FGFR1: variants seen among roughly 807,000 people sequenced by gnomAD.
The protein encoded by FGFR1 is fibroblast growth factor receptor 1.
Under a neutral mutation model 93.7 loss-of-function variants are expected in FGFR1, and 18 were observed. That is an observed-to-expected ratio of 0.19 (90% confidence interval 0.13 to 0.28). The LOEUF (loss-of-function observed/expected upper bound fraction) is 0.28, where lower values mean the gene tolerates loss of function less well. Ranked by LOEUF, FGFR1 falls within the 10% of genes least tolerant of loss-of-function variation. The pLI, the probability that FGFR1 is intolerant of heterozygous loss-of-function variation, is 1.00. For synonymous variants in FGFR1, 448 were observed against 429.3 expected, an observed-to-expected ratio of 1.04 and a Z score of -0.54; for missense variants, 731 against 1,080.4, an observed-to-expected ratio of 0.68 and a Z score of 4.53.
At chr8:38,443,930 G>A (rs1344436138) in intron 2 of FGFR1, among the ~76,000 whole-genome samples, 2 of 151,352 alleles carry the variant, frequency 1.3e-5, no homozygotes, top group Non-Finnish European at 2.9e-5. Context: ...GCGAATGCCT[G>A]TAATCCCACC....
rs2150652021 is a variant in FGFR1 at position 38,417,916 on chromosome 8, C to A, written c.1506G>T (p.Lys502Asn). 1 of 1,614,202 alleles carries A rather than the reference C, an allele frequency of 6.2e-7. No homozygotes were observed. The highest frequency in any genetic ancestry group is 1.1e-5 in the South Asian group (1 of 91,084). ...CTTTGGTCACACGGTTGGGTTTGTCCTTGTCCAGCCCGATAGCCTCTGCCA... is the reference window on the plus strand; with the variant it reads ...CTTTGGTCACACGGTTGGGTTTGTCATTGTCCAGCCCGATAGCCTCTGCCA... Reference protein sequence around the residue: ...VVLAEAIGLDKDKPNRVTKVA... With the variant: ...VVLAEAIGLDNDKPNRVTKVA... The change falls in exon 11 of 18, where the codon AAG (lysine) becomes AAT (asparagine). Residue 502 changes from lysine to asparagine, a missense_variant. This residue lies in a region of FGFR1 where 62 missense variants were observed against 99.5 expected (regional missense o/e 0.62). Transcript: ENST00000447712.
rs536000259 is a variant in FGFR1 at position 38,411,646 on chromosome 8, T to G, written c.*1982A>C. ...TGTATTTAGCAGTAATCCAGCAAAA[T>G]ATAAGCTTTAATATAGCGACTGAGG... On this transcript the variant is annotated 3_prime_UTR_variant, in exon 18 of 18. Transcript: ENST00000447712. 4.4e-5 allele frequency: 10 copies of G among 229,702 alleles called. No individual in the cohort carries two copies. In the South Asian group the frequency reaches 1.8e-3, roughly 42 times the overall value. The allele number at this position is 229,702 out of a possible 1,614,324, so 14.2% of individuals were successfully genotyped here.
At position 38,428,331 on chromosome 8, in the gene FGFR1, G is replaced by GA; in HGVS notation, c.448+14dup. The GA allele has an allele frequency of 6.2e-7, 1 of 1,612,498 alleles. No homozygotes were observed. The highest frequency in any genetic ancestry group is 8.5e-7 in the Non-Finnish European group (1 of 1,178,520). Reference sequence around the variant, plus strand: ...CCAGACCCAAAGGGCAGTAAGATAGGAAACAGTGTCTCACGCATACGGTTT... The same window carrying GA: ...CCAGACCCAAAGGGCAGTAAGATAGGAAAACAGTGTCTCACGCATACGGTTT... On this transcript the variant is annotated intron_variant, in intron 4 of 17. Coordinates refer to ENST00000447712, the MANE Select transcript of FGFR1 (RefSeq NM_023110.3).
At chr8:38,441,958 G>A (rs1186147554) in intron 2 of FGFR1, among the ~76,000 whole-genome samples, 1 of 152,160 alleles carries the variant, frequency 6.6e-6, no homozygotes, top group Non-Finnish European at 1.5e-5. Flanking sequence ...TGCAAAGGCT[G>A]TGCTGTTGCA....
intron 9 of FGFR1, chr8:38,418,757 G>C (rs1458764520): frequency 1.5e-5 from 5 of 324,176 alleles, no homozygotes; most frequent in Non-Finnish European, 3.0e-5. Context: ...GCTTCTGAGG[G>C]AACGGTCATT....
intron 1 of FGFR1, among the ~76,000 whole-genome samples, chr8:38,463,817 A>G (rs1376931199): frequency 6.6e-6 from 1 of 152,160 alleles, no homozygotes; most frequent in East Asian, 1.9e-4. Flanking sequence ...TCAGATGAGA[A>G]TAAGACTTAT....
chr8:38,426,272 T>A lies in FGFR1; in HGVS notation c.622-27A>T, dbSNP rs769257767. 1 of 1,613,616 alleles carries A rather than the reference T, an allele frequency of 6.2e-7. No individual in the cohort carries two copies. Among genetic ancestry groups the A allele is most frequent in the Admixed American group, 1.7e-5 (1 of 60,020 alleles). On this transcript the variant is annotated intron_variant, in intron 5 of 17. Transcript: ENST00000447712. This position sits in a 1 kb window ranked among gnomAD's most constrained non-coding sequence, Gnocchi z 4.1. ...TGAGGGGAAATGCCAAAGGGATACATTGAGGGTCCAGAGGAAAATGCAGGC... is the reference window on the plus strand; with the variant it reads ...TGAGGGGAAATGCCAAAGGGATACAATGAGGGTCCAGAGGAAAATGCAGGC...
chr8:38,428,345 C>A lies in FGFR1; in HGVS notation c.448+1G>T, dbSNP rs376416531. 6.2e-7 allele frequency: 1 copy of A among 1,613,348 alleles called. No individual in the cohort carries two copies. Among genetic ancestry groups the A allele is most frequent in the African/African-American group, 1.3e-5 (1 of 74,916 alleles). On this transcript the variant is annotated splice_donor_variant, in intron 4 of 17. Coordinates refer to ENST00000447712, the MANE Select transcript of FGFR1 (RefSeq NM_023110.3). LOFTEE classifies it high-confidence loss of function. The stretch of plus-strand genomic sequence containing the variant: ...CAGTAAGATAGGAAACAGTGTCTCA[C>A]GCATACGGTTTGGTTTGGTGTTATC...
rs530728831 is a variant in FGFR1, at chr8:38,418,050, G to A, written c.1431-59C>T. ...GGCTGGTGAAGTTCAAACCTTGAGAGGCACCCCATCTCCACCTCTCTGTAT... is the reference window on the plus strand; with the variant it reads ...GGCTGGTGAAGTTCAAACCTTGAGAAGCACCCCATCTCCACCTCTCTGTAT... On this transcript the variant is annotated intron_variant, in intron 10 of 17. Transcript: ENST00000447712. The A allele has an allele frequency of 2.5e-5, 40 of 1,612,696 alleles. 2 individuals carry two copies. The African/African-American group carries it at 2.5e-4, about 10-fold the overall frequency.
At chr8:38,448,961 GC>G (rs1830243324) in intron 2 of FGFR1, among the ~76,000 whole-genome samples, 1 of 152,038 alleles carries the variant, frequency 6.6e-6, no homozygotes, top group Non-Finnish European at 1.5e-5. Flanking sequence ...TCTCAAAAGG[GC>G]ATGGTGGCTC....
At chr8:38,432,790 A>G (rs1218703468) in intron 2 of FGFR1, among the ~76,000 whole-genome samples, 1 of 151,766 alleles carries the variant, frequency 6.6e-6, no homozygotes, top group Non-Finnish European at 1.5e-5. Flanking sequence ...ATCAAAATCT[A>G]CCCTGTGTAC....
chr8:38,448,740 A>G (rs907001341), intron 2 of FGFR1, among the ~76,000 whole-genome samples: 4 of 152,114 alleles, frequency 2.6e-5, no homozygotes, highest in African/African-American at 9.7e-5. Flanking sequence ...GGATCACTTG[A>G]AGTCAGGAGC....
chr8:38,467,929 GC>G (rs1420521251), intron 1 of FGFR1, 51 bp downstream of exon 1: 1 of 216,912 alleles, frequency 4.6e-6, no homozygotes, highest in Non-Finnish European at 9.3e-6. Flanking sequence ...GGCGCCGGGG[GC>G]CGCTCGGGAC....
At chr8:38,466,144 C>T in intron 1 of FGFR1, 1 of 232,188 alleles carries the variant, frequency 4.3e-6, no homozygotes, top group Non-Finnish European at 8.5e-6. Flanking sequence ...CGGTAAAACA[C>T]CCCACTTTAG....
chr8:38,462,777 T>A (rs1834698882), intron 1 of FGFR1, among the ~76,000 whole-genome samples: 1 of 152,022 alleles, frequency 6.6e-6, no homozygotes, highest in South Asian at 2.1e-4. Context: ...CTAATTTTTT[T>A]ATTTTTAGTA....
intron 7 of FGFR1, chr8:38,423,291 A>G: frequency 3.6e-6 from 2 of 548,212 alleles, no homozygotes; most frequent in Non-Finnish European, 6.6e-6. Flanking sequence ...GTTAAGTGAG[A>G]TTTATTACCT....
In FGFR1 at chr8:38,468,124, T is replaced by C. The variant is rs1222836040; in HGVS notation, c.-232A>G. On this transcript the variant is annotated 5_prime_UTR_variant, in exon 1 of 18. Coordinates refer to ENST00000447712, the MANE Select transcript of FGFR1 (RefSeq NM_023110.3). ...GTCGCAAGAGCTCCGCGGCCGGCGC[T>C]CGACTCCCGGCGGCGCTCGGTGCTC... The C allele has an allele frequency of 1.8e-5, 4 of 225,716 alleles. No individual in the cohort carries two copies. The highest frequency in any genetic ancestry group is 3.5e-5 in the Non-Finnish European group (4 of 113,426). The allele number at this position is 225,716 out of a possible 1,614,324, so 14.0% of individuals were successfully genotyped here.
At chr8:38,462,541 C>G (rs1834638573) in intron 1 of FGFR1, among the ~76,000 whole-genome samples, 1 of 152,072 alleles carries the variant, frequency 6.6e-6, no homozygotes. Context: ...TTTCTTTTAA[C>G]TTAATTTCCA....
In FGFR1 at chr8:38,464,907, C is replaced by A. The variant is rs111303807; in HGVS notation, c.-89+3074G>T. Among the ~76,000 whole-genome samples, 39 of 152,332 alleles carry A rather than the reference C, an allele frequency of 2.6e-4. 1 individual carries two copies. Among genetic ancestry groups the A allele is most frequent in the African/African-American group, 9.4e-4 (39 of 41,568 alleles). The stretch of plus-strand genomic sequence containing the variant: ...GCCTTTGTAGAAGCCGGCTGCTAAA[C>A]CCCCAAGTTCATACCAGCAAATCTC... On this transcript the variant is annotated intron_variant, in intron 1 of 17. Coordinates refer to ENST00000447712, the MANE Select transcript of FGFR1 (RefSeq NM_023110.3).
Sources: gnomAD v4.1 joint callset for allele counts (sites outside exome capture counted in the v4.1 genomes callset) on GRCh38, gnomAD v4.1.1 for gene constraint, gnomAD v4.1.1 regional missense constraint, Gnocchi (gnomAD v3.1) non-coding constraint, MANE v1.5 for transcripts, NCBI Gene and HGNC (gene_info 2026-07-23, HGNC 2026-07-21) for gene names.